NRXN3: variants seen among roughly 807,000 people sequenced by gnomAD.
NRXN3 encodes neurexin 3.
Under a neutral mutation model 137.6 loss-of-function variants are expected in NRXN3, and 32 were observed. The observed-to-expected ratio is 0.23, with a 90% CI of 0.18 to 0.31. The LOEUF is 0.31. NRXN3 is among the 10% of genes least tolerant of loss of function. The pLI is 1.00. For synonymous variants in NRXN3, 798 were observed against 784.5 expected, an observed-to-expected ratio of 1.02 and a Z score of -0.29; for missense variants, 1,574 against 2,062.5, an observed-to-expected ratio of 0.76 and a Z score of 4.59.
At chr14:79,641,975 G>A (rs931512808) in intron 16 of NRXN3, among the ~76,000 whole-genome samples, 4 of 135,566 alleles carry the variant, frequency 3.0e-5, no homozygotes, top group East Asian at 2.0e-4. Flanking sequence ...CTGCGTGATC[G>A]TGGCGTTCAC....
At chr14:78,771,135 G>T (rs748140775) in intron 8 of NRXN3, among the ~76,000 whole-genome samples, 5 of 152,214 alleles carry the variant, frequency 3.3e-5, no homozygotes, top group African/African-American at 4.8e-5. Flanking sequence ...AGGTGGCACC[G>T]CTGAGCAAGA....
intron 16 of NRXN3, among the ~76,000 whole-genome samples, chr14:79,576,992 C>A (rs76492690): frequency 2.0e-5 from 3 of 152,210 alleles, no homozygotes; most frequent in African/African-American, 7.2e-5. Flanking sequence ...ATGACTCCCA[C>A]GTCAAGATGG....
chr14:79,481,292 C>G (rs2096605883), intron 16 of NRXN3, among the ~76,000 whole-genome samples: 1 of 152,152 alleles, frequency 6.6e-6, no homozygotes, highest in Non-Finnish European at 1.5e-5. Flanking sequence ...ATTTTTCTTT[C>G]TTTGCCAAAT....
intron 19 of NRXN3, among the ~76,000 whole-genome samples, chr14:79,799,487 G>T (rs921355541): frequency 1.3e-5 from 2 of 152,158 alleles, no homozygotes; most frequent in Non-Finnish European, 2.9e-5. Context: ...GTCTGATAGG[G>T]CAGGACATGA....
chr14:78,929,736 T>C (rs2099316409), intron 10 of NRXN3, among the ~76,000 whole-genome samples: 1 of 152,196 alleles, frequency 6.6e-6, no homozygotes, highest in African/African-American at 2.4e-5. Flanking sequence ...GATCAAATGG[T>C]ATTCAGACAA....
chr14:78,357,235 T>C (rs751569657), intron 4 of NRXN3, among the ~76,000 whole-genome samples: 3 of 152,222 alleles, frequency 2.0e-5, no homozygotes, highest in African/African-American at 7.2e-5. Flanking sequence ...TCACATCTTA[T>C]GTGGATGGCA....
intron 4 of NRXN3, among the ~76,000 whole-genome samples, chr14:78,616,526 G>A (rs534193805): frequency 5.3e-5 from 8 of 152,146 alleles, no homozygotes; most frequent in East Asian, 1.9e-4. Context: ...TCAAAGTTAC[G>A]TCCATCTGTA....
In NRXN3 at chr14:78,895,330, A is replaced by G. The variant is rs2099170332; in HGVS notation, c.2276-61912A>G. Among the ~76,000 whole-genome samples, 2 of 151,856 alleles carry G rather than the reference A, an allele frequency of 1.3e-5. 1 individual carries two copies. Among genetic ancestry groups the G allele is most frequent in the African/African-American group, 4.8e-5 (2 of 41,400 alleles). ...CCGCTTTACCTTGTGCTTTTATGTT[A>G]TAGAGATGATTTCTCTCCTTAAACC... On this transcript the variant is annotated intron_variant, in intron 10 of 20. Coordinates refer to ENST00000335750, the MANE Select transcript of NRXN3 (RefSeq NM_001330195.2).
At position 78,709,922 on chromosome 14, in the gene NRXN3, T is replaced by C. The variant is rs944933945; in HGVS notation, c.1660+267T>C. 4.1e-5 allele frequency: 18 copies of C among 441,104 alleles called. No homozygotes were observed. In the South Asian group the frequency reaches 4.8e-4, roughly 12 times the overall value. 27.3% of individuals were successfully genotyped at this position (441,104 alleles called of 1,614,324 possible). On this transcript the variant is annotated intron_variant, in intron 7 of 20. Coordinates refer to ENST00000335750, the MANE Select transcript of NRXN3 (RefSeq NM_001330195.2). ...CTGGAGCTAAGGATGGTTTTACAAG[T>C]AGCATTTCCACTGCTACCAGAGCAA...
At chr14:78,358,274 T>C (rs1235707609) in intron 4 of NRXN3, among the ~76,000 whole-genome samples, 1 of 152,198 alleles carries the variant, frequency 6.6e-6, no homozygotes, top group Non-Finnish European at 1.5e-5. Context: ...GTAAGTACCA[T>C]GTGTGGATTA....
intron 15 of NRXN3, among the ~76,000 whole-genome samples, chr14:79,166,682 G>A (rs1382888663): frequency 2.0e-5 from 3 of 151,520 alleles, no homozygotes; most frequent in Non-Finnish European, 4.4e-5. Context: ...CTTTTCTTAG[G>A]AAGGATGTGT....
intron 14 of NRXN3, among the ~76,000 whole-genome samples, chr14:78,974,787 G>A (rs2099458282): frequency 6.6e-6 from 1 of 151,990 alleles, no homozygotes; most frequent in Non-Finnish European, 1.5e-5. Context: ...TTACTCACAA[G>A]CTGGCTTTTT....
chr14:78,415,106 G>C (rs1031679976), intron 4 of NRXN3, among the ~76,000 whole-genome samples: 1 of 152,182 alleles, frequency 6.6e-6, no homozygotes, highest in Admixed American at 6.5e-5. Context: ...TTGAGAAACA[G>C]CTCTAAGATT....
At chr14:78,615,108 G>C (rs56205056) in intron 4 of NRXN3, 1 of 456,472 alleles carries the variant, frequency 2.2e-6, no homozygotes, top group South Asian at 1.5e-5. Flanking sequence ...GAAACAACTG[G>C]AAGTGGATAG....
chr14:78,346,941 A>G (rs2082816674), intron 4 of NRXN3, among the ~76,000 whole-genome samples: 1 of 152,132 alleles, frequency 6.6e-6, no homozygotes, highest in Non-Finnish European at 1.5e-5. Context: ...GACTTTGCTG[A>G]CAGCAAAGGG....
intron 4 of NRXN3, among the ~76,000 whole-genome samples, chr14:78,407,350 C>G (rs1051845789): frequency 6.6e-6 from 1 of 152,180 alleles, no homozygotes; most frequent in Non-Finnish European, 1.5e-5. Flanking sequence ...ATTTCTGCTA[C>G]TAAGCCCCCT....
At chr14:79,654,500 A>G (rs1407252259) in intron 16 of NRXN3, among the ~76,000 whole-genome samples, 1 of 152,152 alleles carries the variant, frequency 6.6e-6, no homozygotes, top group Non-Finnish European at 1.5e-5. Flanking sequence ...AGCCAAAGAT[A>G]ATAATACATC....
At chr14:78,510,702 T>A (rs2096087758) in intron 4 of NRXN3, among the ~76,000 whole-genome samples, 2 of 152,196 alleles carry the variant, frequency 1.3e-5, no homozygotes, top group South Asian at 2.1e-4. Context: ...GGCCTTTAAG[T>A]GAATGTCAAT....
intron 20 of NRXN3, chr14:79,823,850 C>G (rs747338933): frequency 4.7e-6 from 2 of 421,580 alleles, no homozygotes; most frequent in Non-Finnish European, 9.9e-6. Flanking sequence ...ATATGCAGGG[C>G]TCTATATAGC....
Sources: gnomAD v4.1 joint callset for allele counts (sites outside exome capture counted in the v4.1 genomes callset) on GRCh38, gnomAD v4.1.1 for gene constraint, MANE v1.5 for transcripts, NCBI Gene and HGNC (gene_info 2026-07-23, HGNC 2026-07-21) for gene names.